PTBP2: variants seen among roughly 807,000 people sequenced by gnomAD.
The protein encoded by PTBP2 is polypyrimidine tract binding protein 2, also known as polypyrimidine tract-binding protein 2.
In PTBP2, 13 loss-of-function variants were observed where a neutral mutation model predicts 61.4. The ratio of observed to expected loss-of-function variants is 0.21; its 90% CI spans 0.14 to 0.34. The LOEUF is 0.34. Among genes scored for constraint, PTBP2 ranks in the 10% least tolerant of loss-of-function variants. The pLI is 1.00. For synonymous variants in PTBP2, 215 were observed against 218.5 expected (o/e 0.98, Z 0.14); for missense variants, 405 against 642.6 (o/e 0.63, Z 4.00).
chr1:96,778,211 T>C (rs1206361136), intron 7 of PTBP2, among the ~76,000 whole-genome samples: 1 of 150,356 alleles, frequency 6.7e-6, no homozygotes, highest in African/African-American at 2.5e-5. Flanking sequence ...TTTGTACTCT[T>C]AAGAAAAAAG....
exon 14 of PTBP2, chr1:96,821,946 C>CT (rs569799030): frequency 6.2e-4 from 94 of 152,242 alleles, no homozygotes; most frequent in African/African-American, 2.0e-3. Flanking sequence ...AATATTTAAC[C>CT]TCTTGAGAGT....
At chr1:96,739,149 CT>C (rs1652634219) in intron 2 of PTBP2, among the ~76,000 whole-genome samples, 3 of 151,858 alleles carry the variant, frequency 2.0e-5, no homozygotes, top group Non-Finnish European at 4.4e-5. Context: ...TTTTGTAATT[CT>C]TTATATATTT....
At chr1:96,763,867 A>G (rs1278711476) in intron 3 of PTBP2, among the ~76,000 whole-genome samples, 1 of 152,214 alleles carries the variant, frequency 6.6e-6, no homozygotes, top group East Asian at 1.9e-4. Context: ...ACCAATTTGA[A>G]TACTGTTGCT....
chr1:96,813,662 T>G lies in PTBP2; in HGVS notation c.*257T>G. 4.7e-5 allele frequency: 1 copy of G among 21,294 alleles called. No homozygotes were observed. The allele number at this position is 21,294 out of a possible 1,614,324, so 1.3% of individuals were successfully genotyped here. The stretch of plus-strand genomic sequence containing the variant: ...GTTTAAAATTTCAGTTTAATTTTGC[T>G]TTTTTTTTTTTTTTTTTTTTCCTTT... On this transcript the variant is annotated 3_prime_UTR_variant, in exon 14 of 14. Coordinates refer to ENST00000674951, the MANE Select transcript of PTBP2 (RefSeq NM_021190.4).
chr1:96,739,357 A>C (rs1437577817), intron 2 of PTBP2, among the ~76,000 whole-genome samples: 1 of 152,158 alleles, frequency 6.6e-6, no homozygotes, highest in Non-Finnish European at 1.5e-5. Flanking sequence ...TGTACACTTA[A>C]ATTGTTTAAT....
At chr1:96,727,226 A>G (rs996543293) in intron 2 of PTBP2, among the ~76,000 whole-genome samples, 1 of 152,242 alleles carries the variant, frequency 6.6e-6, no homozygotes, top group African/African-American at 2.4e-5. Context: ...TTGTCTTTCA[A>G]TAGTCCATTC....
At chr1:96,790,281 TG>T (rs1659649574) in intron 8 of PTBP2, among the ~76,000 whole-genome samples, 1 of 152,042 alleles carries the variant, frequency 6.6e-6, no homozygotes, top group East Asian at 1.9e-4. Context: ...TTTTTTTTTT[TG>T]AAGTGTTTCT....
chr1:96,746,574 G>A (rs966736492), intron 2 of PTBP2, among the ~76,000 whole-genome samples: 4 of 151,874 alleles, frequency 2.6e-5, no homozygotes, highest in East Asian at 1.9e-4. Context: ...GGTGGCTTGC[G>A]TCTGTAATCT....
At chr1:96,786,455 C>G (rs1250467093) in intron 8 of PTBP2, among the ~76,000 whole-genome samples, 1 of 152,102 alleles carries the variant, frequency 6.6e-6, no homozygotes, top group Non-Finnish European at 1.5e-5. Context: ...CTGTGTGTGT[C>G]TAGCTTAATT....
intron 3 of PTBP2, among the ~76,000 whole-genome samples, chr1:96,759,363 C>T (rs929386245): frequency 6.6e-6 from 1 of 152,158 alleles, no homozygotes; most frequent in Admixed American, 6.5e-5. Context: ...TGTAGTTAAT[C>T]CAAAACAGTT....
chr1:96,778,791 C>G (rs547687582), intron 7 of PTBP2, among the ~76,000 whole-genome samples: 1 of 152,186 alleles, frequency 6.6e-6, no homozygotes, highest in South Asian at 2.1e-4. Context: ...TCCTCCAGAT[C>G]AAGATTACTT....
In PTBP2 at chr1:96,769,885, T is replaced by C. The variant is rs1054454323; in HGVS notation, c.288+10T>C. ...GAAAGGAAAAAATCAGGTACACTTC[T>C]TTCAGGGTTTATGAAATGTTAAACC... On this transcript the variant is annotated intron_variant, in intron 4 of 13. Coordinates refer to ENST00000674951, the MANE Select transcript of PTBP2 (RefSeq NM_021190.4). 2.5e-6 allele frequency: 4 copies of C among 1,572,458 alleles called. No homozygotes were observed. Among genetic ancestry groups the C allele is most frequent in the Admixed American group, 1.9e-5 (1 of 53,362 alleles).
chr1:96,791,606 T>C (rs1659800028), intron 8 of PTBP2, among the ~76,000 whole-genome samples: 1 of 152,106 alleles, frequency 6.6e-6, no homozygotes, highest in South Asian at 2.1e-4. Context: ...TGAAGATACA[T>C]ATATACTGGT....
intron 3 of PTBP2, among the ~76,000 whole-genome samples, chr1:96,763,619 G>A (rs1306926204): frequency 3.0e-5 from 4 of 131,486 alleles, no homozygotes; most frequent in African/African-American, 8.3e-5. Context: ...GGAGGGGGAG[G>A]GGGAGGGGGA....
intron 5 of PTBP2, among the ~76,000 whole-genome samples, chr1:96,773,123 C>CAAAAAA (rs563241972): frequency 4.5e-5 from 4 of 88,258 alleles, no homozygotes; most frequent in African/African-American, 1.9e-4. Context: ...GACTCTATCT[C>CAAAAAA]AAAAAAAAAA....
intron 2 of PTBP2, among the ~76,000 whole-genome samples, chr1:96,739,306 CAA>C (rs555698385): frequency 2.0e-5 from 3 of 151,740 alleles, no homozygotes; most frequent in East Asian, 1.9e-4. Context: ...TTTAATTGTA[CAA>C]AAAAACACAT....
downstream of PTBP2, chr1:96,819,626 C>T (rs548457413): frequency 6.6e-6 from 1 of 150,854 alleles, no homozygotes; most frequent in African/African-American, 2.4e-5. Context: ...ATGTAATATT[C>T]AGGTGTTATG....
At chr1:96,819,514 CTCT>C (rs1221720448), downstream of PTBP2, 10 of 152,024 alleles carry the variant, frequency 6.6e-5, no homozygotes, top group African/African-American at 2.4e-4. Context: ...TTCCATCATT[CTCT>C]TCTTTGCAAC....
intron 8 of PTBP2, among the ~76,000 whole-genome samples, chr1:96,791,836 T>TTTTTTTTTTGTTTTTTTTG (rs1659859361): frequency 1.5e-5 from 2 of 135,992 alleles, no homozygotes; most frequent in African/African-American, 5.7e-5. Context: ...CTTTTTTTTT[T>TTTTTTTTTTGTTTTTTTTG]TTTTTTTTTT....
Sources: allele counts gnomAD v4.1 joint callset (sites outside exome capture counted in the v4.1 genomes callset), GRCh38; gene constraint gnomAD v4.1.1; transcripts MANE v1.5; gene names NCBI Gene and HGNC (gene_info 2026-07-23, HGNC 2026-07-21).